SYNE4: variants seen among roughly 807,000 people sequenced by gnomAD.
SYNE4 encodes the protein spectrin repeat containing nuclear envelope family member 4.
In SYNE4, 41 loss-of-function variants were observed where a neutral mutation model predicts 46.9. That is an observed-to-expected ratio of 0.87 (90% confidence interval 0.68 to 1.13). The LOEUF (loss-of-function observed/expected upper bound fraction) is 1.13, where lower values mean the gene tolerates loss of function less well. Among genes scored for constraint, SYNE4 ranks in the 50% most tolerant of loss-of-function variants. SYNE4 has a pLI of 0.00. For synonymous variants in SYNE4, 221 were observed against 219.5 expected (o/e 1.01, Z -0.06); for missense variants, 492 against 514.8 (o/e 0.96, Z 0.43).
chr19:36,006,065 A>G (rs1401574720), intron 5 of SYNE4: 4 of 246,142 alleles, frequency 1.6e-5, no homozygotes, highest in African/African-American at 4.5e-5. Flanking sequence ...TACAAAGTCA[A>G]GCTGTGGTGA....
chr19:36,007,315 A>T, intron 2 of SYNE4, 47 bp from the exon 3 acceptor site: 1 of 1,543,304 alleles, frequency 6.5e-7, no homozygotes. Context: ...CAATCAAGAT[A>T]TCACCCCTGC....
chr19:36,005,296 A>T (rs373064917), intron 6 of SYNE4, 37 bp downstream of exon 6: 145 of 1,595,534 alleles, frequency 9.1e-5, no homozygotes, highest in Middle Eastern at 1.7e-4. Flanking sequence ...TGCCATCAAG[A>T]TTCCTGAGTG....
intron 2 of SYNE4, among the ~76,000 whole-genome samples, chr19:36,007,986 C>G (rs1294982823): frequency 6.6e-6 from 1 of 151,804 alleles, no homozygotes; most frequent in African/African-American, 2.4e-5. Flanking sequence ...GATCTCACCA[C>G]TGCATTCCAG....
rs945491045 is a variant in SYNE4, at chr19:36,008,254, G to A, written c.242C>T (p.Ser81Phe). 1.4e-5 allele frequency: 22 copies of A among 1,610,932 alleles called. No homozygotes were observed. Among genetic ancestry groups the A allele is most frequent in the Non-Finnish European group, 1.9e-5 (22 of 1,178,378 alleles). The part of the protein sequence containing the change: ...AAHPPRWSTP[S>F]SYEDPAGGKH... ...GCCCCCAGCTGGGTCCTCGTAGGAA[G>A]AGGGTGTTGACCATCTCGGGGGGTG... Residue 81 changes from serine to phenylalanine, a missense_variant, in exon 2 of 8, where the codon TCT becomes TTT. Coordinates refer to ENST00000324444, the MANE Select transcript of SYNE4 (RefSeq NM_001039876.3).
chr19:36,007,470 C>T, intron 2 of SYNE4: 5 of 985,384 alleles, frequency 5.1e-6, no homozygotes, highest in Non-Finnish European at 6.0e-6. Flanking sequence ...AGTTCAAGGT[C>T]TCCAGGTTTT....
chr19:36,007,713 C>CTT (rs35109647), intron 2 of SYNE4, among the ~76,000 whole-genome samples: 2 of 145,478 alleles, frequency 1.4e-5, no homozygotes, highest in African/African-American at 2.5e-5. Context: ...ATCATCTCTA[C>CTT]TTTTTTTTTT....
intron 3 of SYNE4, 80 bp from the exon 4 acceptor site, chr19:36,007,024 CA>C (rs1393441650): frequency 2.6e-6 from 4 of 1,542,924 alleles, no homozygotes; most frequent in Non-Finnish European, 3.5e-6. Context: ...ATTTCCTATC[CA>C]AAGGCCTGGA....
Position 36,007,601 on chromosome 19 carries a change from G to A in SYNE4, c.280-333C>T, listed in dbSNP as rs531844396. 3 of 985,366 alleles carry A rather than the reference G, an allele frequency of 3.0e-6. No homozygotes were observed. The South Asian group carries it at 1.4e-4, about 46-fold the overall frequency. The allele number at this position is 985,366 out of a possible 1,614,324, so 61.0% of individuals were successfully genotyped here. ...CAATGATGAAATGCTTCTCAGCCGG[G>A]CGCAGTGGTTCACATCTGTAATCCC... On this transcript the variant is annotated intron_variant, in intron 2 of 7. Coordinates refer to ENST00000324444, the MANE Select transcript of SYNE4 (RefSeq NM_001039876.3).
intron 6 of SYNE4, among the ~76,000 whole-genome samples, chr19:36,004,118 C>G (rs1185111121): frequency 1.3e-5 from 2 of 152,200 alleles, no homozygotes; most frequent in Admixed American, 6.5e-5. Context: ...AGGTGATCCT[C>G]TTACCTCAGC....
Position 36,005,223 on chromosome 19 carries a change from C to CTT in SYNE4, c.972+108_972+109dup, listed in dbSNP as rs557191535. On this transcript the variant is annotated intron_variant, in intron 6 of 7. Coordinates refer to ENST00000324444, the MANE Select transcript of SYNE4 (RefSeq NM_001039876.3). The stretch of plus-strand genomic sequence containing the variant: ...CAACAGTGCCTGGACCTTTCCATTA[C>CTT]TTTTTTTTTTTTTAATAGCATTCCC... The CTT allele has an allele frequency of 4.3e-3, 3,975 of 917,588 alleles. 3 individuals are homozygous for CTT. Among genetic ancestry groups the CTT allele is most frequent in the Admixed American group, 8.6e-3 (335 of 38,910 alleles). 56.8% of individuals were successfully genotyped at this position (917,588 alleles called of 1,614,324 possible).
In SYNE4 at chr19:36,003,606, A is replaced by C; in HGVS notation, c.1031+7T>G. The C allele has an allele frequency of 6.2e-7, 1 of 1,612,422 alleles. No homozygotes were observed. Among genetic ancestry groups the C allele is most frequent in the Non-Finnish European group, 8.5e-7 (1 of 1,179,416 alleles). On this transcript the variant is annotated splice_region_variant and intron_variant, in intron 7 of 7. Transcript: ENST00000324444. The stretch of plus-strand genomic sequence containing the variant: ...CACACCCTAGTCCCATCTCTCAGGC[A>C]CCTCACCCTGGATTCCCCTCCAGCC...
Position 36,007,160 on chromosome 19 carries a change from A to G in SYNE4, c.388T>C (p.Trp130Arg), listed in dbSNP as rs758349809. The G allele has an allele frequency of 7.5e-6, 12 of 1,594,312 alleles. No individual in the cohort carries two copies. The highest frequency in any genetic ancestry group is 9.4e-6 in the Non-Finnish European group (11 of 1,170,844). The change falls in exon 3 of 8, where the codon TGG becomes CGG. Residue 130 changes from tryptophan (W) to arginine (R), a missense_variant. By Grantham distance (101) the Trp-to-Arg change is moderately radical. Transcript: ENST00000324444. Reference sequence around the variant, plus strand: ...ACCATCCCACTCTGGGCCAATGCCCAGTGCCCCAGGCCTTGCTCCAGGTCC... The same window carrying G: ...ACCATCCCACTCTGGGCCAATGCCCGGTGCCCCAGGCCTTGCTCCAGGTCC... ...LQDLEQGLGH[W>R]ALAQSGMVQL...
chr19:36,003,570 G>T, intron 7 of SYNE4, 43 bp downstream of exon 7: 1 of 1,607,332 alleles, frequency 6.2e-7, no homozygotes, highest in Non-Finnish European at 8.5e-7. Context: ...GCTGCTAGGA[G>T]CTCTGTCCCC....
chr19:36,003,618 A>G lies in SYNE4; in HGVS notation c.1026T>C (p.Asn342=). The G allele has an allele frequency of 6.2e-7, 1 of 1,613,044 alleles. No homozygotes were observed. The highest frequency in any genetic ancestry group is 8.5e-7 in the Non-Finnish European group (1 of 1,179,640). ...CCATCTCTCAGGCACCTCACCCTGG[A>G]TTCCCCTCCAGCCTCACATCCTGGA... ...PHLQDVRLEG[N]PGAPDPASRQ... Residue 342 remains asparagine, a synonymous_variant, in exon 7 of 8, where the codon AAT becomes AAC. Coordinates refer to ENST00000324444, the MANE Select transcript of SYNE4 (RefSeq NM_001039876.3).
chr19:36,008,411 C>T (rs748647577), intron 1 of SYNE4, 44 bp from the exon 2 acceptor site: 2 of 1,566,182 alleles, frequency 1.3e-6, no homozygotes, highest in East Asian at 4.5e-5. Flanking sequence ...CGACACCTCA[C>T]TTTTCAGCCT....
In SYNE4 at chr19:36,008,348, G is replaced by A. The variant is rs759319933; in HGVS notation, c.148C>T (p.Leu50=). 5.8e-6 allele frequency: 9 copies of A among 1,562,024 alleles called. No homozygotes were observed. The highest frequency in any genetic ancestry group is 4.8e-5 in the South Asian group (4 of 82,986). Residue 50 remains leucine (L), a synonymous_variant, in exon 2 of 8, where the codon CTG becomes TTG. Transcript: ENST00000324444. ...ESTSPEQAQT[L]GQDSLGPPEH... is the part of the protein sequence containing the mutation. ...GGAGGGCCCAAGGAGTCCTGTCCCAGGGTCTGGGCCTGCTCTGGGCTAGGA... is the reference window on the plus strand; with the variant it reads ...GGAGGGCCCAAGGAGTCCTGTCCCAAGGTCTGGGCCTGCTCTGGGCTAGGA...
At chr19:36,008,100 C>A in intron 2 of SYNE4, 117 bp downstream of exon 2, 1 of 1,357,832 alleles carries the variant, frequency 7.4e-7, no homozygotes, top group East Asian at 2.8e-5. Flanking sequence ...GTCCCTCCCC[C>A]TACAGACACC....
In SYNE4 at chr19:36,008,756, AGCTCCTCC is replaced by A; in HGVS notation, c.-83_-76del. The A allele has an allele frequency of 6.7e-7, 1 of 1,498,608 alleles. No homozygotes were observed. The highest frequency in any genetic ancestry group is 1.3e-5 in the South Asian group (1 of 74,578). 92.8% of individuals were successfully genotyped at this position (1,498,608 alleles called of 1,614,324 possible). On this transcript the variant is annotated 5_prime_UTR_variant, in exon 1 of 8. Coordinates refer to ENST00000324444, the MANE Select transcript of SYNE4 (RefSeq NM_001039876.3). ...TCTTCCCTAGACAAGGGTGTCCCAG[AGCTCCTCC>A]GCTGGAGTCACCCGGGCCTGAGGCT...
chr19:36,005,411 C>T lies in SYNE4; in HGVS notation c.894G>A (p.Gln298=), dbSNP rs773888795. The T allele has an allele frequency of 3.1e-6, 5 of 1,614,020 alleles. No individual in the cohort carries two copies. In the South Asian group the frequency reaches 4.4e-5, roughly 14 times the overall value. ...LEEADTSHSR[Q]DMLESGLGHQ... is the part of the protein sequence containing the mutation. Reference sequence around the variant, plus strand: ...GGCCGAGGCCAGACTCCAGCATGTCCTGTCGGGAGTGAGAGGTGTCTGCTT... The same window carrying T: ...GGCCGAGGCCAGACTCCAGCATGTCTTGTCGGGAGTGAGAGGTGTCTGCTT... Residue 298 remains glutamine (Q), a synonymous_variant, in exon 6 of 8, where the codon CAG becomes CAA. Coordinates refer to ENST00000324444, the MANE Select transcript of SYNE4 (RefSeq NM_001039876.3).
Sources: gnomAD v4.1 joint callset for allele counts (sites outside exome capture counted in the v4.1 genomes callset) on GRCh38, gnomAD v4.1.1 for gene constraint, MANE v1.5 for transcripts, NCBI Gene and HGNC (gene_info 2026-07-23, HGNC 2026-07-21) for gene names.